TRIM14: variants seen among roughly 807,000 people sequenced by gnomAD.
The protein encoded by TRIM14 is tripartite motif-containing protein 14.
Under a neutral mutation model 44.5 loss-of-function variants are expected in TRIM14, and 28 were observed. That is an observed-to-expected ratio of 0.63 (90% CI 0.47 to 0.86). TRIM14 has a LOEUF of 0.86. Ranked by LOEUF, TRIM14 falls within the 40% of genes least tolerant of loss-of-function variation. The pLI, the probability that TRIM14 is intolerant of heterozygous loss-of-function variation, is 0.00. For synonymous variants in TRIM14, 299 were observed against 269.2 expected, an observed-to-expected ratio of 1.11 and a Z score of -1.08; for missense variants, 607 against 611.1, an observed-to-expected ratio of 0.99 and a Z score of 0.07.
intron 2 of TRIM14, among the ~76,000 whole-genome samples, chr9:98,102,906 G>T (rs1826452482): frequency 6.6e-6 from 1 of 152,102 alleles, no homozygotes; most frequent in Non-Finnish European, 1.5e-5. Context: ...AATGCAGTAG[G>T]CTGGGCGCGG....
chr9:98,118,916 C>A, intron 1 of TRIM14, 66 bp downstream of exon 1: 1 of 1,418,010 alleles, frequency 7.1e-7, no homozygotes, highest in South Asian at 1.5e-5. Flanking sequence ...GCCCCCTCCT[C>A]GGCCGTTATG....
intron 1 of TRIM14, among the ~76,000 whole-genome samples, chr9:98,115,078 A>AT (rs1300349172): frequency 2.6e-5 from 4 of 151,588 alleles, no homozygotes; most frequent in African/African-American, 9.7e-5. Flanking sequence ...TACTTTTTTT[A>AT]TTTTCATTTT....
At chr9:98,106,990 A>T (rs1826638724) in intron 2 of TRIM14, among the ~76,000 whole-genome samples, 1 of 152,018 alleles carries the variant, frequency 6.6e-6, no homozygotes, top group Non-Finnish European at 1.5e-5. Flanking sequence ...CCATACCTGG[A>T]TGATTTTTTA....
At chr9:98,053,362 A>G in the TRIM14 span, among the ~76,000 whole-genome samples, 6 of 152,348 alleles carry the variant, frequency 3.9e-5, no homozygotes, top group South Asian at 4.1e-4. Context: ...GTTCAAGGAC[A>G]TAAAACAACA....
chr9:98,057,998 C>G, the TRIM14 span, among the ~76,000 whole-genome samples: 1 of 140,548 alleles, frequency 7.1e-6, no homozygotes, highest in African/African-American at 2.7e-5. Flanking sequence ...TCCCGGCTCA[C>G]TGCAACCTCT....
the TRIM14 span, among the ~76,000 whole-genome samples, chr9:98,038,986 G>T: frequency 1.3e-5 from 2 of 151,900 alleles, no homozygotes. Context: ...GGAGGCAGAG[G>T]TTGCAGTGAG....
exon 7 of TRIM14, chr9:98,069,449 T>C (rs993993367): frequency 6.6e-6 from 1 of 152,184 alleles, no homozygotes; most frequent in Non-Finnish European, 1.5e-5. Flanking sequence ...AATTTTTGTA[T>C]TTTTTGCAGA....
chr9:98,085,130 C>T lies in TRIM14; in HGVS notation c.*2340G>A, dbSNP rs1369325421. On this transcript the variant is annotated 3_prime_UTR_variant, in exon 6 of 6. Coordinates refer to ENST00000341469, the MANE Select transcript of TRIM14 (RefSeq NM_014788.4). ...GCCATAAGGCCTCATCTCAGACCCC[C>T]AAGGAAGGCAGTCCAAAGGTAGACT... 3 of 152,330 alleles carry T rather than the reference C, an allele frequency of 2.0e-5. No homozygotes were observed. The highest frequency in any genetic ancestry group is 4.4e-5 in the Non-Finnish European group (3 of 68,132). 9.4% of individuals were successfully genotyped at this position (152,330 alleles called of 1,614,324 possible).
In TRIM14 at chr9:98,095,837, G is replaced by A. The variant is rs764717836; in HGVS notation, c.538-808C>T. 4.6e-5 allele frequency among the ~76,000 whole-genome samples: 7 copies of A among 152,276 alleles called. No homozygotes were observed. Among genetic ancestry groups the A allele is most frequent in the East Asian group, 1.9e-4 (1 of 5,178 alleles). ...TGATGTCTTGCCCAGCAGGGGTGCCGTGGGGCCTATACTGGCACCAACCCC... is the reference window on the plus strand; with the variant it reads ...TGATGTCTTGCCCAGCAGGGGTGCCATGGGGCCTATACTGGCACCAACCCC... On this transcript the variant is annotated intron_variant, in intron 3 of 5. Coordinates refer to ENST00000341469, the MANE Select transcript of TRIM14 (RefSeq NM_014788.4). The surrounding 1 kb of genome is among the most constrained non-coding windows in gnomAD (Gnocchi z 4.1).
the TRIM14 span, among the ~76,000 whole-genome samples, chr9:98,052,664 C>T: frequency 2.0e-5 from 3 of 152,156 alleles, no homozygotes; most frequent in African/African-American, 7.2e-5. Context: ...TGTGCCACCA[C>T]GCCTGCCTAA....
chr9:98,096,109 C>T (rs138642482), intron 3 of TRIM14, among the ~76,000 whole-genome samples: 70 of 152,300 alleles, frequency 4.6e-4, no homozygotes, highest in Non-Finnish European at 7.9e-4. Context: ...CAGTGCTGCC[C>T]ACCCGAGAAG....
At chr9:98,088,217 T>C (rs952585682) in intron 5 of TRIM14, among the ~76,000 whole-genome samples, 2 of 152,248 alleles carry the variant, frequency 1.3e-5, no homozygotes, top group Non-Finnish European at 2.9e-5. Context: ...ACATCCCTTA[T>C]ACTGTCTGTA....
rs375165117 is a variant in TRIM14, at chr9:98,092,543, C to T, written c.701-542G>A. 2.8e-5 allele frequency: 12 copies of T among 422,248 alleles called. No homozygotes were observed. The East Asian group carries it at 6.7e-4, about 24-fold the overall frequency. The allele number at this position is 422,248 out of a possible 1,614,324, so 26.2% of individuals were successfully genotyped here. A position where few individuals can be genotyped will look rare whatever the true frequency, so the allele number is the denominator to read the frequency against. The stretch of plus-strand genomic sequence containing the variant: ...CCCCCATCACTCCCAGCACTCATCA[C>T]AGGGGCCTGTAGAGATCTGTGGGAA... On this transcript the variant is annotated intron_variant, in intron 4 of 5. Transcript: ENST00000341469.
chr9:98,064,978 A>C (rs1047351576), downstream of TRIM14, among the ~76,000 whole-genome samples: 2 of 152,102 alleles, frequency 1.3e-5, no homozygotes, highest in Admixed American at 1.3e-4. Flanking sequence ...TATATTGCTG[A>C]TCTTCAGTTA....
chr9:98,053,652 C>T, the TRIM14 span, among the ~76,000 whole-genome samples: 1 of 151,784 alleles, frequency 6.6e-6, no homozygotes, highest in African/African-American at 2.4e-5. Context: ...CACACACACA[C>T]ATACAGGCCA....
At chr9:98,040,394 G>A in the TRIM14 span, among the ~76,000 whole-genome samples, 52 of 151,940 alleles carry the variant, frequency 3.4e-4, no homozygotes, top group Non-Finnish European at 1.2e-4. Context: ...CTCCTGGACT[G>A]CTCGGGGCCT....
chr9:98,080,563 C>T (rs767315780), downstream of TRIM14, among the ~76,000 whole-genome samples: 3 of 152,178 alleles, frequency 2.0e-5, no homozygotes, highest in Non-Finnish European at 4.4e-5. Flanking sequence ...TCTTAAAATG[C>T]ATTCTTTAGA....
intron 6 of TRIM14, among the ~76,000 whole-genome samples, chr9:98,073,609 C>T (rs1664087892): frequency 6.7e-6 from 1 of 148,394 alleles, no homozygotes. Context: ...TTTTTCCAAT[C>T]CTGAAGGATC....
At chr9:98,037,969 A>G in the TRIM14 span, among the ~76,000 whole-genome samples, 1 of 152,152 alleles carries the variant, frequency 6.6e-6, no homozygotes, top group Non-Finnish European at 1.5e-5. Flanking sequence ...GGCTCAAGCA[A>G]TCCTCATGGC....
Sources: gnomAD v4.1 joint callset for allele counts (sites outside exome capture counted in the v4.1 genomes callset) on GRCh38, gnomAD v4.1.1 for gene constraint, Gnocchi (gnomAD v3.1) non-coding constraint, MANE v1.5 for transcripts, NCBI Gene and HGNC (gene_info 2026-07-23, HGNC 2026-07-21) for gene names.